RIMBP2: variants seen among roughly 807,000 people sequenced by gnomAD.
RIMBP2 encodes the protein RIMS binding protein 2.
Under a neutral mutation model 118.6 loss-of-function variants are expected in RIMBP2, and 48 were observed. The observed-to-expected ratio is 0.40, with a 90% confidence interval of 0.32 to 0.51. The LOEUF (loss-of-function observed/expected upper bound fraction) is 0.51. Ranked by LOEUF, RIMBP2 falls within the 20% of genes least tolerant of loss-of-function variation. The pLI, the probability that RIMBP2 is intolerant of heterozygous loss-of-function variation, is 0.41. For synonymous variants in RIMBP2, 762 were observed against 742.9 expected (o/e 1.03, Z -0.42); for missense variants, 1,551 against 1,768.3 (o/e 0.88, Z 2.20).
chr12:130,406,760 C>T (rs966614764), intron 20 of RIMBP2, among the ~76,000 whole-genome samples: 5 of 152,210 alleles, frequency 3.3e-5, no homozygotes, highest in Admixed American at 2.6e-4. Flanking sequence ...AATTGTTCTG[C>T]CTCAGCCTCC....
In RIMBP2 at chr12:130,447,647, C is replaced by T. The variant is rs1187516055; in HGVS notation, c.582-2378G>A. On this transcript the variant is annotated intron_variant, in intron 9 of 22. Coordinates refer to ENST00000690449, the MANE Select transcript of RIMBP2 (RefSeq NM_001393629.1). The surrounding 1 kb of genome is among the most constrained non-coding windows in gnomAD (Gnocchi z 4.4). Reference sequence around the variant, plus strand: ...CACAGCAGTGGCCCTGGGCGGCACACTGCAAGTGGGTGAACTGTGCAGTGA... The same window carrying T: ...CACAGCAGTGGCCCTGGGCGGCACATTGCAAGTGGGTGAACTGTGCAGTGA... Among the ~76,000 whole-genome samples the T allele has an allele frequency of 2.0e-5, 3 of 152,188 alleles. No homozygotes were observed. The highest frequency in any genetic ancestry group is 4.4e-5 in the Non-Finnish European group (3 of 68,034).
At chr12:130,513,328 C>T (rs1011551797) in intron 3 of RIMBP2, among the ~76,000 whole-genome samples, 1 of 152,156 alleles carries the variant, frequency 6.6e-6, no homozygotes, top group African/African-American at 2.4e-5. Context: ...AAAAAAATCT[C>T]ATAAGAGTGA....
In RIMBP2 at chr12:130,511,198, C is replaced by T. The variant is rs373629735; in HGVS notation, c.-126-4428G>A. 2.0e-5 allele frequency among the ~76,000 whole-genome samples: 3 copies of T among 152,084 alleles called. No individual in the cohort carries two copies. Among genetic ancestry groups the T allele is most frequent in the East Asian group, 3.9e-4 (2 of 5,186 alleles). ...AGCTTAGGTGATGCTCTGCTGCCAG[C>T]TTTGAAGATCAGGGAAGGAAGCCAA... On this transcript the variant is annotated intron_variant, in intron 3 of 22. Transcript: ENST00000690449. This position sits in a 1 kb window ranked among gnomAD's most constrained non-coding sequence, Gnocchi z 4.3.
intron 1 of RIMBP2, among the ~76,000 whole-genome samples, chr12:130,646,096 C>T (rs1594135265): frequency 2.4e-5 from 3 of 124,516 alleles, no homozygotes; most frequent in African/African-American, 6.3e-5. Flanking sequence ...CTTCCCTCTC[C>T]ACCTCCCTCT....
At chr12:130,402,549 CTT>C (rs2074722355) in intron 21 of RIMBP2, among the ~76,000 whole-genome samples, 1 of 152,142 alleles carries the variant, frequency 6.6e-6, no homozygotes, top group Non-Finnish European at 1.5e-5. Flanking sequence ...TACAGAATAA[CTT>C]TCTCTAAAAA....
intron 3 of RIMBP2, among the ~76,000 whole-genome samples, chr12:130,514,018 C>T (rs573263261): frequency 6.6e-6 from 1 of 152,314 alleles, no homozygotes; most frequent in Admixed American, 6.5e-5. Context: ...ACACCTTCAG[C>T]CTCCCCAGCT....
intron 1 of RIMBP2, among the ~76,000 whole-genome samples, chr12:130,674,097 G>A (rs958861477): frequency 2.0e-5 from 3 of 152,070 alleles, no homozygotes; most frequent in African/African-American, 4.8e-5. Context: ...CAGCCTGGGC[G>A]ACAGAGTGAG....
At chr12:130,517,531 T>C (rs2051601711) in intron 3 of RIMBP2, among the ~76,000 whole-genome samples, 1 of 152,054 alleles carries the variant, frequency 6.6e-6, no homozygotes, top group Admixed American at 6.6e-5. Flanking sequence ...CACCATTCAC[T>C]GGGGAGAAAG....
chr12:130,517,229 A>G (rs1033596467), intron 3 of RIMBP2, among the ~76,000 whole-genome samples: 2 of 152,076 alleles, frequency 1.3e-5, no homozygotes, highest in African/African-American at 4.8e-5. Context: ...GAGAGCCCTG[A>G]GCTGGTATGT....
At chr12:130,673,090 A>T (rs553979807) in intron 1 of RIMBP2, among the ~76,000 whole-genome samples, 1 of 152,328 alleles carries the variant, frequency 6.6e-6, no homozygotes, top group Non-Finnish European at 1.5e-5. Context: ...CGAGGATGGA[A>T]GAATCACCAG....
chr12:130,438,039 T>C (rs1393762344), intron 12 of RIMBP2, among the ~76,000 whole-genome samples: 3 of 152,194 alleles, frequency 2.0e-5, no homozygotes, highest in Non-Finnish European at 4.4e-5. Flanking sequence ...ATGGGTATCA[T>C]CGTGCTAAGA....
At chr12:130,662,695 C>A (rs1437577956) in intron 1 of RIMBP2, among the ~76,000 whole-genome samples, 2 of 151,992 alleles carry the variant, frequency 1.3e-5, no homozygotes, top group Non-Finnish European at 2.9e-5. Context: ...GTAGCTCACA[C>A]CTGTAATCCC....
chr12:130,553,494 T>C (rs145444744), intron 2 of RIMBP2, among the ~76,000 whole-genome samples: 63 of 152,118 alleles, frequency 4.1e-4, no homozygotes, highest in African/African-American at 1.4e-3. Context: ...TTAAATAACT[T>C]GACAATTAGG....
At position 130,438,405 on chromosome 12, in the gene RIMBP2, G is replaced by A; in HGVS notation, c.1616C>T (p.Ala539Val). The A allele has an allele frequency of 7.0e-7, 1 of 1,418,880 alleles. No individual in the cohort carries two copies. The highest frequency in any genetic ancestry group is 9.4e-7 in the Non-Finnish European group (1 of 1,058,528). 87.9% of individuals were successfully genotyped at this position (1,418,880 alleles called of 1,614,324 possible). A position where few individuals can be genotyped will look rare whatever the true frequency, so the allele number is the denominator to read the frequency against. ...VLTPTGLSNG[A>V]NVTGYGVYAK... ...ATACACGCCGTAGCCGGTAACGTTT[G>A]CGCCATTGGACAGCCCGGTGGGCGT... The change falls in exon 12 of 23, where the codon GCA (alanine) becomes GTA (valine). Residue 539 changes from alanine (A) to valine (V), a missense_variant. Around this residue, in one of 5 missense-constraint regions of RIMBP2, gnomAD observed 1,038 missense variants for 1,125.1 expected, o/e 0.92. Transcript: ENST00000690449.
rs1187857600 is a variant in RIMBP2 at position 130,442,443 on chromosome 12, G to C, written c.909C>G (p.Asp303Glu). ...GITDNSAGTLDVNIDDIGEDI... is the reference protein window; with the variant it reads ...GITDNSAGTLEVNIDDIGEDI... ...CTTCTCCGATGTCGTCGATGTTCAC[G>C]TCCAGGGTCCCGGCACTGTTGTCGG... The change falls in exon 11 of 23, where the codon GAC (aspartate) becomes GAG (glutamate). Residue 303 changes from aspartate to glutamate, a missense_variant. Asp to Glu is a conservative substitution (Grantham distance 45). Transcript: ENST00000690449. This position sits in a 1 kb window ranked among gnomAD's most constrained non-coding sequence, Gnocchi z 6.9. The C allele has an allele frequency of 6.2e-7, 1 of 1,614,148 alleles. No individual in the cohort carries two copies.
chr12:130,414,011 T>C (rs2075935859), intron 18 of RIMBP2, 114 bp downstream of exon 18: 2 of 1,152,554 alleles, frequency 1.7e-6, no homozygotes, highest in East Asian at 2.4e-5. Context: ...GCCTCGCCCA[T>C]GGCCTGCAGG....
At chr12:130,567,700 C>T (rs1450047214) in intron 2 of RIMBP2, among the ~76,000 whole-genome samples, 2 of 152,220 alleles carry the variant, frequency 1.3e-5, no homozygotes, top group Non-Finnish European at 2.9e-5. Context: ...CCACAGCGGC[C>T]AACACCCCTT....
intron 3 of RIMBP2, among the ~76,000 whole-genome samples, chr12:130,516,160 T>C (rs2051433799): frequency 6.6e-6 from 1 of 152,230 alleles, no homozygotes; most frequent in South Asian, 2.1e-4. Flanking sequence ...TCATCAACAC[T>C]TGTAATTTCC....
At chr12:130,452,692 A>C (rs2079099501) in intron 7 of RIMBP2, among the ~76,000 whole-genome samples, 1 of 152,230 alleles carries the variant, frequency 6.6e-6, no homozygotes, top group African/African-American at 2.4e-5. Flanking sequence ...CTCCCCACAC[A>C]GTGGCCAGGG....
Sources: allele counts gnomAD v4.1 joint callset (sites outside exome capture counted in the v4.1 genomes callset), GRCh38; gene constraint gnomAD v4.1.1; regional missense constraint gnomAD v4.1.1; non-coding constraint Gnocchi (gnomAD v3.1); transcripts MANE v1.5; gene names NCBI Gene and HGNC (gene_info 2026-07-23, HGNC 2026-07-21).